EDN1: variants seen among roughly 807,000 people sequenced by gnomAD.
The protein encoded by EDN1 is endothelin 1.
A neutral mutation model predicts 21.7 loss-of-function variants in EDN1; 11 were observed. That is an observed-to-expected ratio of 0.51 (90% CI 0.32 to 0.84). EDN1 has a LOEUF of 0.84. Among genes scored for constraint, EDN1 ranks in the 40% least tolerant of loss-of-function variants. The pLI, the probability that EDN1 is intolerant of heterozygous loss-of-function variation, is 0.03. For synonymous variants in EDN1, 85 were observed against 90.6 expected (o/e 0.94, Z 0.35); for missense variants, 244 against 262.3 (o/e 0.93, Z 0.48).
chr6:12,233,215 T>C, the EDN1 span, among the ~76,000 whole-genome samples: 1 of 152,378 alleles, frequency 6.6e-6, no homozygotes, highest in South Asian at 2.1e-4. Flanking sequence ...TTCCTAGCTC[T>C]GTCCTCCTAC....
At chr6:12,269,399 G>A in the EDN1 span, among the ~76,000 whole-genome samples, 771 of 116,456 alleles carry the variant, frequency 6.6e-3, 8 homozygotes, top group African/African-American at 0.024. Context: ...CATCTTTGTC[G>A]TTTTCCAGAT....
chr6:12,230,857 C>T, the EDN1 span, among the ~76,000 whole-genome samples: 4 of 152,106 alleles, frequency 2.6e-5, no homozygotes, highest in Admixed American at 6.5e-5. Context: ...TATTAAGTAA[C>T]GGGGTCTGTT....
chr6:12,281,507 T>TGGGGAAAGGCAGAGAGAGTCTAAGTGC, the EDN1 span, among the ~76,000 whole-genome samples: 1 of 151,652 alleles, frequency 6.6e-6, no homozygotes, highest in South Asian at 2.1e-4. Flanking sequence ...CATTCTATAA[T>TGGGGAAAGGCAGAGAGAGTCTAAGTGC]GGGGAAAGGC....
the EDN1 span, among the ~76,000 whole-genome samples, chr6:12,270,705 C>T: frequency 2.6e-5 from 4 of 152,186 alleles, no homozygotes; most frequent in African/African-American, 9.6e-5. Flanking sequence ...TATGATCTAT[C>T]CTGAGAAGGT....
the EDN1 span, among the ~76,000 whole-genome samples, chr6:12,232,014 T>A: frequency 2.7e-5 from 4 of 150,406 alleles, no homozygotes; most frequent in Non-Finnish European, 4.4e-5. Context: ...AAGGGTAAAA[T>A]GTTGACATTT....
chr6:12,284,720 A>AAAGG, the EDN1 span, among the ~76,000 whole-genome samples: 81 of 127,582 alleles, frequency 6.3e-4, no homozygotes, highest in Middle Eastern at 3.8e-3. Context: ...AGAAAGAAGG[A>AAAGG]AAGGAAGGAA....
chr6:12,287,000 C>G (rs1034308190), upstream of EDN1, among the ~76,000 whole-genome samples: 5 of 152,026 alleles, frequency 3.3e-5, no homozygotes, highest in Non-Finnish European at 7.4e-5. Context: ...GCCTGTTGTC[C>G]CAGCTACTCA....
the EDN1 span, among the ~76,000 whole-genome samples, chr6:12,272,517 G>A: frequency 1.3e-5 from 2 of 148,510 alleles, no homozygotes; most frequent in Non-Finnish European, 3.0e-5. Flanking sequence ...GAGTGCAAAG[G>A]TGTGATCTTG....
At chr6:12,285,720 G>A (rs561482555), upstream of EDN1, among the ~76,000 whole-genome samples, 10 of 152,160 alleles carry the variant, frequency 6.6e-5, no homozygotes, top group South Asian at 2.1e-4. Flanking sequence ...ACAGGCATGC[G>A]CCACCATGCC....
chr6:12,274,969 C>A, the EDN1 span, among the ~76,000 whole-genome samples: 1 of 150,430 alleles, frequency 6.6e-6, no homozygotes, highest in Admixed American at 6.6e-5. Context: ...TTCCTTCCTT[C>A]CTTGCTCCTT....
chr6:12,246,001 C>A, the EDN1 span, among the ~76,000 whole-genome samples: 1 of 139,182 alleles, frequency 7.2e-6, no homozygotes, highest in Non-Finnish European at 1.6e-5. Context: ...ATTTACATGA[C>A]CCATATTTTA....
At chr6:12,267,607 G>T in the EDN1 span, among the ~76,000 whole-genome samples, 4 of 152,252 alleles carry the variant, frequency 2.6e-5, no homozygotes, top group South Asian at 8.3e-4. Context: ...TGAGGTTTAA[G>T]GAAAGAAGCT....
the EDN1 span, among the ~76,000 whole-genome samples, chr6:12,258,448 T>TAAAAAAAAAAAAAAAAAAAA: frequency 1.4e-4 from 4 of 27,744 alleles, 2 homozygotes; most frequent in African/African-American, 2.7e-4. Flanking sequence ...AGATCATGTC[T>TAAAAAAAAAAAAAAAAAAAA]CAAAAAAAAA....
At chr6:12,261,865 G>T in the EDN1 span, among the ~76,000 whole-genome samples, 1 of 152,196 alleles carries the variant, frequency 6.6e-6, no homozygotes, top group African/African-American at 2.4e-5. Flanking sequence ...GTCACAGAAA[G>T]GTCAGGCTGC....
At chr6:12,256,269 C>T in the EDN1 span, among the ~76,000 whole-genome samples, 1 of 152,148 alleles carries the variant, frequency 6.6e-6, no homozygotes, top group Non-Finnish European at 1.5e-5. Context: ...GGGAGGATTG[C>T]TTGAGCCCAG....
chr6:12,276,685 C>T, the EDN1 span, among the ~76,000 whole-genome samples: 28 of 152,242 alleles, frequency 1.8e-4, no homozygotes, highest in African/African-American at 5.1e-4. Context: ...AGTCTTCAAA[C>T]GCCAGTCCAG....
chr6:12,240,818 A>G, the EDN1 span, among the ~76,000 whole-genome samples: 6 of 152,308 alleles, frequency 3.9e-5, no homozygotes, highest in Non-Finnish European at 7.3e-5. Context: ...AGTGGTGTAC[A>G]ACTCCCAGGA....
chr6:12,280,093 A>T, the EDN1 span, among the ~76,000 whole-genome samples: 6 of 152,214 alleles, frequency 3.9e-5, no homozygotes, highest in South Asian at 2.1e-4. Flanking sequence ...TCAAGTTCAG[A>T]TGTAAACATG....
chr6:12,247,580 C>T, the EDN1 span, among the ~76,000 whole-genome samples: 5 of 146,194 alleles, frequency 3.4e-5, no homozygotes, highest in East Asian at 9.9e-4. Context: ...ACTCCTTCAC[C>T]CAGGCTGGAG....
Sources: gnomAD v4.1 joint callset for allele counts (sites outside exome capture counted in the v4.1 genomes callset) on GRCh38, gnomAD v4.1.1 for gene constraint, MANE v1.5 for transcripts, NCBI Gene and HGNC (gene_info 2026-07-23, HGNC 2026-07-21) for gene names.